Variants in C4orf51 observed in about 807,000 individuals in gnomAD.
C4orf51 encodes the protein chromosome 4 open reading frame 51, also known as uncharacterized protein C4orf51.
In C4orf51, 25 loss-of-function variants were observed where a neutral mutation model predicts 25.2. The observed-to-expected ratio is 0.99, with a 90% confidence interval of 0.72 to 1.39. The LOEUF is 1.39. Ranked by LOEUF, C4orf51 falls within the 40% of genes most tolerant of loss-of-function variation. C4orf51 has a pLI of 0.00. For missense variants in C4orf51, 252 were observed against 239.6 expected, an observed-to-expected ratio of 1.05 and a Z score of -0.34; for synonymous variants, 100 against 84.5, an observed-to-expected ratio of 1.18 and a Z score of -1.01.
At chr4:145,770,339 T>C (rs1321990766) in intron 1 of C4orf51, among the ~76,000 whole-genome samples, 2 of 55,886 alleles carry the variant, frequency 3.6e-5, no homozygotes, top group Non-Finnish European at 1.3e-4. Flanking sequence ...AATAAATAAA[T>C]AAATAAATAA....
rs574909550 is a variant in C4orf51 at position 145,715,669 on chromosome 4, G to A, written c.308-11242G>A. ...TTGTCAAAATCAATCCGTCCATGGG[G>A]AAATGATGGTAGAAAACTCCTATTC... On this transcript the variant is annotated intron_variant, in intron 2 of 5. Coordinates refer to ENST00000438731, the MANE Select transcript of C4orf51 (RefSeq NM_001080531.3). Among the ~76,000 whole-genome samples, 26 of 152,238 alleles carry A rather than the reference G, an allele frequency of 1.7e-4. No individual in the cohort carries two copies. The South Asian group carries it at 5.0e-3, about 29-fold the overall frequency.
intron 2 of C4orf51, among the ~76,000 whole-genome samples, chr4:145,701,183 GGC>G (rs1695217326): frequency 7.4e-6 from 1 of 134,538 alleles, no homozygotes; most frequent in African/African-American, 3.1e-5. Flanking sequence ...ATTAGAATCT[GGC>G]CCTCAAACCC....
At position 145,714,031 on chromosome 4, in the gene C4orf51, C is replaced by T. The variant is rs1209039479; in HGVS notation, c.308-12880C>T. ...CTCCTGACCTCACATAATCTGCCCA[C>T]CTTGGCCTCCCAAAGTGCTGGGATT... On this transcript the variant is annotated intron_variant, in intron 2 of 5. Coordinates refer to ENST00000438731, the MANE Select transcript of C4orf51 (RefSeq NM_001080531.3). Among the ~76,000 whole-genome samples, 4 of 152,308 alleles carry T rather than the reference C, an allele frequency of 2.6e-5. No homozygotes were observed. The East Asian group carries it at 5.8e-4, about 22-fold the overall frequency.
chr4:145,708,089 GT>G (rs570409531), intron 2 of C4orf51, among the ~76,000 whole-genome samples: 64 of 152,356 alleles, frequency 4.2e-4, no homozygotes, highest in Middle Eastern at 6.8e-3. Flanking sequence ...ACCAATGGTA[GT>G]TACCTGGAGA....
intron 1 of C4orf51, among the ~76,000 whole-genome samples, chr4:145,743,297 A>T (rs548275695): frequency 1.3e-5 from 2 of 152,306 alleles, no homozygotes; most frequent in South Asian, 4.2e-4. Flanking sequence ...TCATGGTTCT[A>T]AAGGTGGGAA....
intron 1 of C4orf51, among the ~76,000 whole-genome samples, chr4:145,695,049 T>C (rs1729962100): frequency 6.6e-6 from 1 of 152,120 alleles, no homozygotes; most frequent in South Asian, 2.1e-4. Flanking sequence ...CAAACAAGTG[T>C]TTAAGAAACC....
chr4:145,687,005 G>T (rs879832625), intron 1 of C4orf51, among the ~76,000 whole-genome samples: 15 of 124,852 alleles, frequency 1.2e-4, no homozygotes, highest in Admixed American at 2.4e-4. Flanking sequence ...GATCTTGTGG[G>T]GGGGGCGGTT....
chr4:145,737,378 TATAA>T (rs1223881915), downstream of C4orf51, among the ~76,000 whole-genome samples: 2 of 152,212 alleles, frequency 1.3e-5, no homozygotes, highest in Non-Finnish European at 2.9e-5. Context: ...CAAAATGGAA[TATAA>T]ATAAAGAATT....
intron 2 of C4orf51, among the ~76,000 whole-genome samples, chr4:145,721,521 C>T (rs1398424976): frequency 1.3e-5 from 2 of 152,100 alleles, no homozygotes; most frequent in Admixed American, 6.5e-5. Flanking sequence ...ATCAATGTCC[C>T]TTCTAGGTGG....
chr4:145,729,768 G>A (rs1019375357), intron 4 of C4orf51, 124 bp from the exon 5 acceptor site: 2 of 721,448 alleles, frequency 2.8e-6, no homozygotes, highest in Non-Finnish European at 4.9e-6. Context: ...CAGAGGAGGG[G>A]GCTGTGTATG....
At chr4:145,699,419 G>A (rs542817617) in intron 2 of C4orf51, among the ~76,000 whole-genome samples, 10 of 151,718 alleles carry the variant, frequency 6.6e-5, no homozygotes, top group East Asian at 3.9e-4. Flanking sequence ...TTTCAAATCC[G>A]GTAAGCGGCC....
rs150647188 is a variant in C4orf51, at chr4:145,691,764, C to T, written c.234-4795C>T. Among the ~76,000 whole-genome samples, 30 of 152,260 alleles carry T rather than the reference C, an allele frequency of 2.0e-4. 1 individual carries two copies. The East Asian group carries it at 4.8e-3, about 24-fold the overall frequency. ...ATGGACATAAAAATGGAACAGTAGA[C>T]ACTGAGGGCAGAGAGGGAAGGGAGC... On this transcript the variant is annotated intron_variant, in intron 1 of 5. Coordinates refer to ENST00000438731, the MANE Select transcript of C4orf51 (RefSeq NM_001080531.3).
chr4:145,713,559 A>C (rs1731243499), intron 2 of C4orf51, among the ~76,000 whole-genome samples: 1 of 152,208 alleles, frequency 6.6e-6, no homozygotes, highest in African/African-American at 2.4e-5. Flanking sequence ...TCATAATACA[A>C]CTTTAATAGG....
At chr4:145,760,900 T>C (rs868586111) in intron 1 of C4orf51, 2 of 1,232,938 alleles carry the variant, frequency 1.6e-6, no homozygotes, top group Middle Eastern at 4.5e-4. Flanking sequence ...CAAGTGGTTC[T>C]TGGGGTATAA....
chr4:145,680,379 A>G lies in C4orf51; in HGVS notation c.176A>G (p.Lys59Arg). The G allele has an allele frequency of 6.2e-7, 1 of 1,614,008 alleles. No homozygotes were observed. Among genetic ancestry groups the G allele is most frequent in the South Asian group, 1.1e-5 (1 of 91,082 alleles). Residue 59 changes from lysine (K) to arginine (R), a missense_variant, in exon 1 of 6, where the codon AAG becomes AGG. By Grantham distance (26) the Lys-to-Arg change is conservative. Transcript: ENST00000438731. ...AGTTACCGGAAAAAACAACTGGACA[A>G]GTCCATGTGCAGCCAATTTTCTTTT... Reference protein sequence around the residue: ...TGSYRKKQLDKSMCSQFSFRA... With the variant: ...TGSYRKKQLDRSMCSQFSFRA...
intron 1 of C4orf51, among the ~76,000 whole-genome samples, chr4:145,689,701 A>G (rs1252680590): frequency 2.0e-5 from 3 of 152,170 alleles, no homozygotes; most frequent in African/African-American, 7.2e-5. Context: ...TAAAGAACCC[A>G]GAAATTAAGC....
chr4:145,761,645 A>C lies in C4orf51; in HGVS notation n.167-9343A>C, dbSNP rs1424790736. On this transcript the variant is annotated intron_variant and non_coding_transcript_variant, in intron 1 of 1. Transcript: ENST00000510096. The surrounding 1 kb of genome is among the most constrained non-coding windows in gnomAD (Gnocchi z 6.8). ...GGGAGGTTCAGCCGGGAAGGTTCGG[A>C]GGCAGCCGCGCTTCTCGCCGCCTCA... The C allele has an allele frequency of 8.7e-7, 1 of 1,151,766 alleles. No individual in the cohort carries two copies. The highest frequency in any genetic ancestry group is 1.1e-6 in the Non-Finnish European group (1 of 886,842). 71.3% of individuals were successfully genotyped at this position (1,151,766 alleles called of 1,614,324 possible). A position where few individuals can be genotyped will look rare whatever the true frequency, so the allele number is the denominator to read the frequency against.
rs558790870 is a variant in C4orf51 at position 145,729,362 on chromosome 4, C to T, written c.427+133C>T. ...ACTCTCCCAGGCTGACGTGCAGTGGCGCGATCTCGGCTCACTGCAAGCTCT... is the reference window on the plus strand; with the variant it reads ...ACTCTCCCAGGCTGACGTGCAGTGGTGCGATCTCGGCTCACTGCAAGCTCT... On this transcript the variant is annotated intron_variant, in intron 4 of 5. Coordinates refer to ENST00000438731, the MANE Select transcript of C4orf51 (RefSeq NM_001080531.3). 2.4e-4 allele frequency: 132 copies of T among 548,184 alleles called. 1 individual carries two copies. The highest frequency in any genetic ancestry group is 2.0e-3 in the South Asian group (88 of 42,960). 34.0% of individuals were successfully genotyped at this position (548,184 alleles called of 1,614,324 possible). A position where few individuals can be genotyped will look rare whatever the true frequency, so the allele number is the denominator to read the frequency against.
chr4:145,705,212 T>C (rs1730724646), intron 2 of C4orf51, among the ~76,000 whole-genome samples: 1 of 152,230 alleles, frequency 6.6e-6, no homozygotes, highest in Non-Finnish European at 1.5e-5. Flanking sequence ...ATGTGCAAGC[T>C]TGAGCCCATT....
Sources: gnomAD v4.1 joint callset for allele counts (sites outside exome capture counted in the v4.1 genomes callset) on GRCh38, gnomAD v4.1.1 for gene constraint, Gnocchi (gnomAD v3.1) non-coding constraint, MANE v1.5 for transcripts, NCBI Gene and HGNC (gene_info 2026-07-23, HGNC 2026-07-21) for gene names.